MYLIP: variants seen among roughly 807,000 people sequenced by gnomAD.
MYLIP encodes the protein myosin regulatory light chain interacting protein.
A neutral mutation model predicts 45.8 loss-of-function variants in MYLIP; 26 were observed. The observed-to-expected ratio is 0.57, with a 90% confidence interval of 0.42 to 0.79. The LOEUF (loss-of-function observed/expected upper bound fraction) is 0.79, where lower values mean the gene tolerates loss of function less well. Ranked by LOEUF, MYLIP falls within the 30% of genes least tolerant of loss-of-function variation. The probability of loss-of-function intolerance (pLI) is 0.00; values close to 1 mark genes in which losing one functional copy is unlikely to be tolerated. For synonymous variants in MYLIP, 213 were observed against 218.1 expected, an observed-to-expected ratio of 0.98 and a Z score of 0.21; for missense variants, 494 against 555.6, an observed-to-expected ratio of 0.89 and a Z score of 1.11.
chr6:16,162,480 A>T, the MYLIP span, among the ~76,000 whole-genome samples: 2 of 152,188 alleles, frequency 1.3e-5, no homozygotes, highest in African/African-American at 4.8e-5. Flanking sequence ...CTTCTGATAG[A>T]TTGCAACTGT....
In MYLIP at chr6:16,131,181, G is replaced by A. The variant is rs1759454462; in HGVS notation, c.278+434G>A. ...GAAAGCAGGAAACAGTTCCTCTTGG[G>A]TTACTTAAACTTGGTCAGTTTCTTC... On this transcript the variant is annotated intron_variant, in intron 2 of 6. Coordinates refer to ENST00000356840, the MANE Select transcript of MYLIP (RefSeq NM_013262.4). Among the ~76,000 whole-genome samples the A allele has an allele frequency of 2.0e-5, 3 of 152,168 alleles. No individual in the cohort carries two copies. In the South Asian group the frequency reaches 6.2e-4, roughly 31 times the overall value.
downstream of MYLIP, among the ~76,000 whole-genome samples, chr6:16,153,119 C>T (rs1184061963): frequency 6.6e-6 from 1 of 152,194 alleles, no homozygotes; most frequent in East Asian, 1.9e-4. Flanking sequence ...ATAGATCTTA[C>T]TTCCTAGCCT....
intron 6 of MYLIP, 30 bp downstream of exon 6, chr6:16,145,347 G>A (rs775167177): frequency 1.9e-6 from 3 of 1,549,892 alleles, no homozygotes; most frequent in Non-Finnish European, 2.6e-6. Context: ...ACTTTTGCCT[G>A]CAGCCTCACC....
chr6:16,156,120 C>A, the MYLIP span, among the ~76,000 whole-genome samples: 2 of 152,244 alleles, frequency 1.3e-5, no homozygotes, highest in Non-Finnish European at 1.5e-5. Flanking sequence ...TTCTCTCCAA[C>A]ATCCAGCTGC....
downstream of MYLIP, among the ~76,000 whole-genome samples, chr6:16,149,676 A>G (rs1041621146): frequency 2.6e-5 from 4 of 152,238 alleles, no homozygotes; most frequent in Non-Finnish European, 5.9e-5. Context: ...GGGACGGGGT[A>G]GCAATCAGAT....
chr6:16,154,319 A>G, the MYLIP span, among the ~76,000 whole-genome samples: 1 of 152,092 alleles, frequency 6.6e-6, no homozygotes. Context: ...ACCTAAATTT[A>G]CATGCTGTAC....
chr6:16,152,688 T>C (rs1759892392), downstream of MYLIP, among the ~76,000 whole-genome samples: 2 of 152,226 alleles, frequency 1.3e-5, no homozygotes, highest in South Asian at 4.1e-4. Context: ...TACTAAGTTC[T>C]ACAATCAAAG....
downstream of MYLIP, chr6:16,148,324 A>C (rs1427526370): frequency 6.6e-6 from 1 of 152,136 alleles, no homozygotes; most frequent in Non-Finnish European, 1.5e-5. Context: ...CATCACAGTT[A>C]GTATCTACTT....
At chr6:16,141,922 T>G in intron 3 of MYLIP, 112 bp downstream of exon 3, 1 of 1,029,766 alleles carries the variant, frequency 9.7e-7, no homozygotes, top group Non-Finnish European at 1.4e-6. Flanking sequence ...TGTACATTTT[T>G]GAGCTCTCTG....
chr6:16,162,094 A>G, the MYLIP span, among the ~76,000 whole-genome samples: 2 of 152,370 alleles, frequency 1.3e-5, no homozygotes, highest in African/African-American at 4.8e-5. Flanking sequence ...TAAGCTTCAC[A>G]TTAACTTGAG....
At chr6:16,159,375 T>A in the MYLIP span, among the ~76,000 whole-genome samples, 1 of 152,176 alleles carries the variant, frequency 6.6e-6, no homozygotes, top group Admixed American at 6.5e-5. Context: ...GTTAGATGAC[T>A]GTTGTTTTAG....
intron 3 of MYLIP, among the ~76,000 whole-genome samples, chr6:16,142,617 G>A (rs575410254): frequency 2.0e-5 from 3 of 152,216 alleles, no homozygotes; most frequent in Non-Finnish European, 4.4e-5. Context: ...TGGCCTCCAT[G>A]CCAGGTTGAC....
the MYLIP span, among the ~76,000 whole-genome samples, chr6:16,162,375 C>G: frequency 6.6e-6 from 1 of 152,072 alleles, no homozygotes; most frequent in Non-Finnish European, 1.5e-5. Flanking sequence ...CCATTCCTAT[C>G]ACAAAAAACA....
At chr6:16,158,052 A>T in the MYLIP span, among the ~76,000 whole-genome samples, 1 of 152,224 alleles carries the variant, frequency 6.6e-6, no homozygotes, top group African/African-American at 2.4e-5. Context: ...GGCCACTAGG[A>T]TCCTCTTTGA....
the MYLIP span, among the ~76,000 whole-genome samples, chr6:16,162,833 A>G: frequency 4.6e-3 from 672 of 146,700 alleles, 6 homozygotes; most frequent in African/African-American, 0.017. Context: ...TTGAATCATT[A>G]TTTTGTAAGT....
At chr6:16,155,775 G>A in the MYLIP span, among the ~76,000 whole-genome samples, 1 of 152,224 alleles carries the variant, frequency 6.6e-6, no homozygotes, top group Non-Finnish European at 1.5e-5. Flanking sequence ...CCCCGTGGCA[G>A]CATCTAGTGG....
At chr6:16,133,465 G>A (rs2113516467) in intron 2 of MYLIP, among the ~76,000 whole-genome samples, 1 of 152,266 alleles carries the variant, frequency 6.6e-6, no homozygotes, top group East Asian at 1.9e-4. Flanking sequence ...TGTAAAAGGA[G>A]AGTCTTTTAC....
At chr6:16,143,284 A>T in intron 4 of MYLIP, 67 bp downstream of exon 4, 1 of 1,475,968 alleles carries the variant, frequency 6.8e-7, no homozygotes, top group African/African-American at 1.4e-5. Context: ...AATGTAATAG[A>T]AAATAGGAAG....
chr6:16,137,511 A>G (rs553792495), intron 2 of MYLIP, among the ~76,000 whole-genome samples: 29 of 152,374 alleles, frequency 1.9e-4, no homozygotes, highest in African/African-American at 7.0e-4. Context: ...TTTGAGTTCA[A>G]TAATGAATCT....
Sources: allele counts gnomAD v4.1 joint callset (sites outside exome capture counted in the v4.1 genomes callset), GRCh38; gene constraint gnomAD v4.1.1; transcripts MANE v1.5; gene names NCBI Gene and HGNC (gene_info 2026-07-23, HGNC 2026-07-21).